MREG: variants seen among roughly 807,000 people sequenced by gnomAD.
MREG encodes the protein melanoregulin.
A neutral mutation model predicts 28.5 loss-of-function variants in MREG; 31 were observed. That is an observed-to-expected ratio of 1.09 (90% CI 0.82 to 1.47). MREG has a LOEUF of 1.47. Ranked by LOEUF, MREG falls within the 40% of genes most tolerant of loss-of-function variation. The probability of loss-of-function intolerance (pLI) is 0.00; values close to 1 mark genes in which losing one functional copy is unlikely to be tolerated. For missense variants in MREG, 256 were observed against 257.4 expected (o/e 0.99, Z 0.04); for synonymous variants, 106 against 95.2 (o/e 1.11, Z -0.66).
intron 2 of MREG, among the ~76,000 whole-genome samples, chr2:215,965,159 T>C (rs1692905890): frequency 6.6e-6 from 1 of 152,240 alleles, no homozygotes; most frequent in Non-Finnish European, 1.5e-5. Context: ...CTTAAATTTA[T>C]TTTAAAAGGT....
chr2:215,960,833 C>CA (rs1369370832), intron 2 of MREG, among the ~76,000 whole-genome samples: 1 of 151,502 alleles, frequency 6.6e-6, no homozygotes, highest in East Asian at 1.9e-4. Context: ...GACTCCATCA[C>CA]AAAAAAATAA....
intron 2 of MREG, among the ~76,000 whole-genome samples, chr2:215,975,438 G>C (rs1693229541): frequency 6.6e-6 from 1 of 152,106 alleles, no homozygotes; most frequent in Non-Finnish European, 1.5e-5. Context: ...TGGATGAGTT[G>C]ACTTAATTTA....
Position 215,942,803 on chromosome 2 carries a change from T to G in MREG, c.*2060A>C, listed in dbSNP as rs1692217001. On this transcript the variant is annotated 3_prime_UTR_variant, in exon 5 of 5. Coordinates refer to ENST00000263268, the MANE Select transcript of MREG (RefSeq NM_018000.3). The stretch of plus-strand genomic sequence containing the variant: ...CCGAGAGTAAAACAATACGACATCC[T>G]TAGGTTTATTTATTTTATTGTTTGT... The G allele has an allele frequency of 6.6e-6, 1 of 152,640 alleles. No homozygotes were observed. Among genetic ancestry groups the G allele is most frequent in the South Asian group, 2.1e-4 (1 of 4,834 alleles). The allele number at this position is 152,640 out of a possible 1,614,324, so 9.5% of individuals were successfully genotyped here. A position where few individuals can be genotyped will look rare whatever the true frequency, so the allele number is the denominator to read the frequency against.
intron 1 of MREG, among the ~76,000 whole-genome samples, chr2:216,031,691 G>GAAAGAAAGAAAGAAAGAGAA: frequency 1.6e-5 from 1 of 61,164 alleles, no homozygotes; most frequent in South Asian, 4.9e-4. Context: ...AAGAAAGAAA[G>GAAAGAAAGAAAGAAAGAGAA]AGAAAGAAAG....
At chr2:216,031,465 AAGAAAGAAAG>A (rs1215823584) in intron 1 of MREG, among the ~76,000 whole-genome samples, 18 of 131,008 alleles carry the variant, frequency 1.4e-4, no homozygotes, top group Admixed American at 1.0e-3. Context: ...GAGAGAAAGA[AAGAAAGAAAG>A]AGAAAGAAAG....
intron 1 of MREG, among the ~76,000 whole-genome samples, chr2:216,022,997 T>TA (rs1455246084): frequency 6.6e-6 from 1 of 152,220 alleles, no homozygotes; most frequent in Non-Finnish European, 1.5e-5. Flanking sequence ...ATCTGAGTGT[T>TA]AAAGATAACC....
intron 1 of MREG, among the ~76,000 whole-genome samples, chr2:216,009,612 A>G (rs896774629): frequency 2.0e-5 from 3 of 152,126 alleles, no homozygotes; most frequent in East Asian, 1.9e-4. Context: ...GAACACAAAC[A>G]TGCTCAGGAG....
rs1410310338 is a variant in MREG at position 215,944,925 on chromosome 2, C to G, written c.583G>C (p.Gly195Arg). 1 of 1,608,638 alleles carries G rather than the reference C, an allele frequency of 6.2e-7. No homozygotes were observed. Among genetic ancestry groups the G allele is most frequent in the African/African-American group, 1.3e-5 (1 of 74,840 alleles). Residue 195 changes from glycine (G) to arginine (R), a missense_variant, in exon 5 of 5, where the codon GGG becomes CGG. Gly to Arg is a moderately radical substitution (Grantham distance 125). Transcript: ENST00000263268. ...LARRTYPKKP[G>R]VPCLADGQKE... is the part of the protein sequence containing the mutation. ...TGGCCATCTGCCAGGCATGGAACCCCAGGCTTCTTGGGGTAAGTTCGACGA... is the reference window on the plus strand; with the variant it reads ...TGGCCATCTGCCAGGCATGGAACCCGAGGCTTCTTGGGGTAAGTTCGACGA...
Position 215,979,467 on chromosome 2 carries a change from A to AAATAATAAT in MREG, c.255+16830_255+16838dup, listed in dbSNP as rs201080423. Among the ~76,000 whole-genome samples, 114 of 132,472 alleles carry AAATAATAAT rather than the reference A, an allele frequency of 8.6e-4. 2 individuals are homozygous for AAATAATAAT. Among genetic ancestry groups the AAATAATAAT allele is most frequent in the Non-Finnish European group, 8.9e-4 (57 of 64,134 alleles). 86.9% of individuals were successfully genotyped at this position (132,472 alleles called of 152,430 possible). A position where few individuals can be genotyped will look rare whatever the true frequency, so the allele number is the denominator to read the frequency against. ...AACAAGAGTGAAACTCCATCTCAAA[A>AAATAATAAT]AATAATAATAATAATAATAATAATA... is the stretch of plus-strand genomic sequence containing the variant. On this transcript the variant is annotated intron_variant, in intron 2 of 4. Coordinates refer to ENST00000263268, the MANE Select transcript of MREG (RefSeq NM_018000.3).
At chr2:215,962,067 A>G (rs1223856624) in intron 2 of MREG, among the ~76,000 whole-genome samples, 1 of 152,236 alleles carries the variant, frequency 6.6e-6, no homozygotes, top group African/African-American at 2.4e-5. Flanking sequence ...AATCCGAGCT[A>G]GAGTTTTGAC....
intron 2 of MREG, among the ~76,000 whole-genome samples, chr2:215,989,545 T>G (rs1000063399): frequency 6.6e-6 from 1 of 151,996 alleles, no homozygotes; most frequent in Non-Finnish European, 1.5e-5. Context: ...GAGAATGAGT[T>G]TGACAAATTG....
At chr2:215,959,367 T>C (rs532769723) in intron 2 of MREG, among the ~76,000 whole-genome samples, 71 of 152,142 alleles carry the variant, frequency 4.7e-4, no homozygotes, top group Non-Finnish European at 7.9e-4. Context: ...TTCCACCTTA[T>C]GTTCCCAACT....
intron 2 of MREG, among the ~76,000 whole-genome samples, chr2:215,956,576 T>C (rs1692633668): frequency 6.6e-6 from 1 of 152,222 alleles, no homozygotes; most frequent in South Asian, 2.1e-4. Flanking sequence ...TCTCACTCTG[T>C]TGCCCAGGCT....
Position 216,013,397 on chromosome 2 carries a change from G to A in MREG, c.-70C>T. 2 of 1,183,968 alleles carry A rather than the reference G, an allele frequency of 1.7e-6. No homozygotes were observed. Among genetic ancestry groups the A allele is most frequent in the South Asian group, 2.2e-5 (1 of 45,688 alleles). 73.3% of individuals were successfully genotyped at this position (1,183,968 alleles called of 1,614,324 possible). A position where few individuals can be genotyped will look rare whatever the true frequency, so the allele number is the denominator to read the frequency against. On this transcript the variant is annotated 5_prime_UTR_variant, in exon 1 of 5. Coordinates refer to ENST00000263268, the MANE Select transcript of MREG (RefSeq NM_018000.3). ...CGCCGCGGCGAGCGATCGAGGCTGG[G>A]GCGCGGCCACCGCGCCAGCGTCCAG...
chr2:215,992,862 G>A (rs183998974), intron 2 of MREG, among the ~76,000 whole-genome samples: 2 of 152,292 alleles, frequency 1.3e-5, no homozygotes, highest in East Asian at 3.9e-4. Flanking sequence ...TACAAGGGAT[G>A]TGAAAGACCT....
At chr2:215,997,620 T>A (rs1460825593) in intron 1 of MREG, among the ~76,000 whole-genome samples, 1 of 152,140 alleles carries the variant, frequency 6.6e-6, no homozygotes, top group Admixed American at 6.5e-5. Flanking sequence ...AATGATCACA[T>A]GACTATAAAA....
intron 2 of MREG, among the ~76,000 whole-genome samples, chr2:215,953,791 T>A (rs1248140348): frequency 6.6e-6 from 1 of 152,238 alleles, no homozygotes; most frequent in African/African-American, 2.4e-5. Flanking sequence ...GTTCTTTTTC[T>A]GGCCCTTGCA....
intron 1 of MREG, among the ~76,000 whole-genome samples, chr2:216,000,393 A>T (rs1693986053): frequency 6.6e-6 from 1 of 152,088 alleles, no homozygotes; most frequent in African/African-American, 2.4e-5. Context: ...CTCCCTGTAC[A>T]AACCAGCAGG....
At chr2:215,956,159 G>A (rs985667818) in intron 2 of MREG, among the ~76,000 whole-genome samples, 55 of 152,140 alleles carry the variant, frequency 3.6e-4, no homozygotes, top group African/African-American at 1.2e-3. Flanking sequence ...CACAGCCAAA[G>A]CAGCAGATCC....
Sources: gnomAD v4.1 joint callset for allele counts (sites outside exome capture counted in the v4.1 genomes callset) on GRCh38, gnomAD v4.1.1 for gene constraint, MANE v1.5 for transcripts, NCBI Gene and HGNC (gene_info 2026-07-23, HGNC 2026-07-21) for gene names.